The following SPAG17 variants were observed in gnomAD, a reference collection of about 807,000 sequenced individuals.
SPAG17 encodes the protein sperm associated antigen 17.
A neutral mutation model predicts 273.6 loss-of-function variants in SPAG17; 169 were observed. The observed-to-expected ratio is 0.62, with a 90% CI of 0.55 to 0.70. The LOEUF (loss-of-function observed/expected upper bound fraction) is 0.70, where lower values mean the gene tolerates loss of function less well. Ranked by LOEUF, SPAG17 falls within the 30% of genes least tolerant of loss-of-function variation. SPAG17 has a pLI of 0.00. For missense variants in SPAG17, 2,557 were observed against 2,627.8 expected, an observed-to-expected ratio of 0.97 and a Z score of 0.59; for synonymous variants, 825 against 873.2, an observed-to-expected ratio of 0.94 and a Z score of 0.97.
chr1:118,141,671 T>C (rs1261181542), intron 3 of SPAG17, among the ~76,000 whole-genome samples: 2 of 152,238 alleles, frequency 1.3e-5, no homozygotes, highest in Non-Finnish European at 2.9e-5. Context: ...GGCTTCCATT[T>C]CTTCATTTGC....
rs768726296 is a variant in SPAG17 at position 118,028,315 on chromosome 1, G to C, written c.3689C>G (p.Pro1230Arg). 8 of 1,613,504 alleles carry C rather than the reference G, an allele frequency of 5.0e-6. No individual in the cohort carries two copies. In the East Asian group the frequency reaches 1.3e-4, roughly 27 times the overall value. The change falls in exon 26 of 49, where the codon CCC becomes CGC. Residue 1230 changes from proline (P) to arginine (R), a missense_variant. Pro to Arg is a moderately radical substitution (Grantham distance 103). Transcript: ENST00000336338. ...AATGAAAGTCAACAGGAGCCCACTG[G>C]GGCAAGACACATTTAGGCTCTGGAA... The part of the protein sequence containing the change: ...PTFQSLNVSC[P>R]SGLLLTFIGQ...
At chr1:118,123,750 A>G (rs554812992) in intron 3 of SPAG17, among the ~76,000 whole-genome samples, 1 of 152,214 alleles carries the variant, frequency 6.6e-6, no homozygotes, top group Non-Finnish European at 1.5e-5. Context: ...ACAAGGAGTC[A>G]CTGAAACTAA....
intron 26 of SPAG17, among the ~76,000 whole-genome samples, chr1:118,026,369 G>C (rs1647752769): frequency 6.6e-6 from 1 of 152,050 alleles, no homozygotes; most frequent in African/African-American, 2.4e-5. Context: ...TTTATAATGT[G>C]GTTTATTGGG....
intron 4 of SPAG17, among the ~76,000 whole-genome samples, chr1:118,108,608 T>A (rs546710586): frequency 1.3e-5 from 2 of 152,282 alleles, no homozygotes; most frequent in Non-Finnish European, 2.9e-5. Context: ...AGGCAAATTT[T>A]AGGAGGGGCA....
chr1:118,062,912 A>G (rs1051332478), intron 18 of SPAG17, among the ~76,000 whole-genome samples: 5 of 152,206 alleles, frequency 3.3e-5, no homozygotes, highest in Non-Finnish European at 5.9e-5. Context: ...CATCTCCACT[A>G]TATCTTTAAA....
At chr1:117,996,333 G>C in intron 34 of SPAG17, 37 bp downstream of exon 34, 1 of 1,570,524 alleles carries the variant, frequency 6.4e-7, no homozygotes, top group Non-Finnish European at 8.6e-7. Context: ...AATTGGCAAA[G>C]AGACACCGTG....
chr1:118,184,955 T>A, intron 1 of SPAG17, 116 bp downstream of exon 1: 1 of 867,898 alleles, frequency 1.2e-6, no homozygotes, highest in Non-Finnish European at 1.9e-6. Flanking sequence ...CCTGGAACCA[T>A]CAGGCCACGG....
At chr1:118,081,719 G>A in intron 13 of SPAG17, 77 bp from the exon 14 acceptor site, 28 of 1,213,982 alleles carry the variant, frequency 2.3e-5, no homozygotes, top group Non-Finnish European at 3.3e-5. Context: ...GGGATAACCA[G>A]GGAGTCTGTC....
chr1:118,185,174 G>T lies in SPAG17; in HGVS notation c.-17C>A. The T allele has an allele frequency of 6.2e-7, 1 of 1,602,690 alleles. No homozygotes were observed. The highest frequency in any genetic ancestry group is 8.5e-7 in the Non-Finnish European group (1 of 1,169,618). On this transcript the variant is annotated 5_prime_UTR_variant, in exon 1 of 49. Transcript: ENST00000336338. Reference sequence around the variant, plus strand: ...GGGTGCCATGCAAAGGACGGGAGAAGCATTGGCCTCTAAACTGGGCGCAGG... The same window carrying T: ...GGGTGCCATGCAAAGGACGGGAGAATCATTGGCCTCTAAACTGGGCGCAGG...
At chr1:118,172,851 T>A (rs1273915) in intron 1 of SPAG17, among the ~76,000 whole-genome samples, 150,519 of 152,238 alleles carry the variant, frequency 0.99, 74,435 homozygotes, top group East Asian at 1. Flanking sequence ...TATATAGCTT[T>A]GCCATCTCTG....
At chr1:118,098,287 G>A (rs1558011529) in intron 6 of SPAG17, among the ~76,000 whole-genome samples, 1 of 152,070 alleles carries the variant, frequency 6.6e-6, no homozygotes, top group African/African-American at 2.4e-5. Flanking sequence ...AAAACAGAGT[G>A]GATCAATGTT....
intron 4 of SPAG17, among the ~76,000 whole-genome samples, chr1:118,107,189 A>G (rs1430147524): frequency 6.6e-6 from 1 of 152,080 alleles, no homozygotes; most frequent in African/African-American, 2.4e-5. Flanking sequence ...TTCAAACCCT[A>G]AACTCATTTT....
chr1:118,017,845 T>C (rs1251653999), intron 28 of SPAG17, among the ~76,000 whole-genome samples: 1 of 152,106 alleles, frequency 6.6e-6, no homozygotes, highest in Non-Finnish European at 1.5e-5. Context: ...ATTAAGTATA[T>C]GGGTCAACAA....
intron 28 of SPAG17, among the ~76,000 whole-genome samples, chr1:118,020,568 G>A (rs928954833): frequency 2.0e-5 from 3 of 151,936 alleles, no homozygotes; most frequent in African/African-American, 7.2e-5. Context: ...AAAGAAAAAT[G>A]ACAGAACTAT....
chr1:118,034,769 A>G (rs1407563530), intron 24 of SPAG17, among the ~76,000 whole-genome samples: 2 of 152,226 alleles, frequency 1.3e-5, no homozygotes, highest in African/African-American at 2.4e-5. Context: ...GTTCGTTGTC[A>G]TCCAGGGTTT....
chr1:118,159,857 A>G (rs947446116), intron 1 of SPAG17, among the ~76,000 whole-genome samples: 2 of 152,176 alleles, frequency 1.3e-5, no homozygotes, highest in African/African-American at 4.8e-5. Context: ...CCACAGAGCC[A>G]CTACACACCT....
chr1:118,093,006 C>A, intron 8 of SPAG17, 150 bp downstream of exon 8: 1 of 779,542 alleles, frequency 1.3e-6, no homozygotes. Flanking sequence ...TTCACAAAGC[C>A]CCCATCATGT....
intron 48 of SPAG17, among the ~76,000 whole-genome samples, chr1:117,958,187 T>C (rs759445119): frequency 3.3e-5 from 5 of 152,144 alleles, no homozygotes; most frequent in Non-Finnish European, 7.4e-5. Flanking sequence ...AAATAGGTAT[T>C]TGGTGAATTG....
chr1:118,056,037 A>AG, intron 18 of SPAG17, 123 bp from the exon 19 acceptor site: 7 of 720,336 alleles, frequency 9.7e-6, no homozygotes, highest in Non-Finnish European at 1.5e-5. Flanking sequence ...AATACATCCT[A>AG]GATGTATTTT....
Sources: gnomAD v4.1 joint callset for allele counts (sites outside exome capture counted in the v4.1 genomes callset) on GRCh38, gnomAD v4.1.1 for gene constraint, MANE v1.5 for transcripts, NCBI Gene and HGNC (gene_info 2026-07-23, HGNC 2026-07-21) for gene names.